Variants in DNAAF11 observed in about 807,000 individuals in gnomAD.
DNAAF11 encodes dynein axonemal assembly factor 11, also known as leucine rich repeat containing 6.
DNAAF11 carries 45 observed loss-of-function variants against 60.8 expected under a neutral mutation model. The ratio of observed to expected loss-of-function variants is 0.74; its 90% CI spans 0.58 to 0.95. The LOEUF (loss-of-function observed/expected upper bound fraction) is 0.95. Ranked by LOEUF, DNAAF11 falls within the 40% of genes least tolerant of loss-of-function variation. The probability of loss-of-function intolerance (pLI) is 0.00; values close to 1 mark genes in which losing one functional copy is unlikely to be tolerated. For missense variants in DNAAF11, 546 were observed against 546.2 expected (o/e 1.00, Z 0.00); for synonymous variants, 191 against 183.5 (o/e 1.04, Z -0.33).
chr8:132,625,531 C>A, intron 5 of DNAAF11, 77 bp from the exon 6 acceptor site: 1 of 1,071,106 alleles, frequency 9.3e-7, no homozygotes. Context: ...CCTTTAATAT[C>A]TATACACTTT....
chr8:132,647,937 G>A (rs550553859), intron 3 of DNAAF11, among the ~76,000 whole-genome samples: 2 of 152,280 alleles, frequency 1.3e-5, no homozygotes, highest in South Asian at 2.1e-4. Context: ...GGTACAAAGA[G>A]GAGCTGGTAC....
chr8:132,642,366 G>T (rs1054817514), intron 3 of DNAAF11, among the ~76,000 whole-genome samples: 1 of 152,220 alleles, frequency 6.6e-6, no homozygotes, highest in Non-Finnish European at 1.5e-5. Context: ...TGCCCATCAT[G>T]TGCACTCATG....
intron 2 of DNAAF11, among the ~76,000 whole-genome samples, chr8:132,659,917 C>T (rs1372339147): frequency 2.0e-5 from 3 of 152,158 alleles, no homozygotes; most frequent in Admixed American, 2.0e-4. Flanking sequence ...CTCTCCCCAT[C>T]CTCCCATACA....
intron 3 of DNAAF11, among the ~76,000 whole-genome samples, chr8:132,655,160 TGAA>T (rs1420618959): frequency 3.3e-5 from 5 of 151,260 alleles, no homozygotes; most frequent in Non-Finnish European, 7.4e-5. Context: ...ATAACCTAAG[TGAA>T]ATAGATAAAT....
intron 10 of DNAAF11, among the ~76,000 whole-genome samples, chr8:132,584,313 T>A (rs947652828): frequency 1.3e-5 from 2 of 152,218 alleles, no homozygotes; most frequent in South Asian, 2.1e-4. Context: ...AGCTCAGTGC[T>A]AAGCATGTTG....
intron 10 of DNAAF11, among the ~76,000 whole-genome samples, chr8:132,588,586 A>G (rs1158284447): frequency 6.6e-6 from 1 of 152,196 alleles, no homozygotes; most frequent in Non-Finnish European, 1.5e-5. Context: ...ATTGAAAAAA[A>G]GTAGAATTGC....
chr8:132,578,192 G>A (rs986130845), intron 11 of DNAAF11, among the ~76,000 whole-genome samples: 34 of 151,948 alleles, frequency 2.2e-4, no homozygotes, highest in Admixed American at 8.5e-4. Flanking sequence ...TATATCCTGG[G>A]CCATAATTTC....
At chr8:132,613,356 G>T (rs1818846620) in intron 8 of DNAAF11, among the ~76,000 whole-genome samples, 1 of 152,192 alleles carries the variant, frequency 6.6e-6, no homozygotes, top group Admixed American at 6.5e-5. Flanking sequence ...CCATAAAAAG[G>T]AAGGAAATTC....
At chr8:132,653,116 C>T (rs376952789) in intron 3 of DNAAF11, among the ~76,000 whole-genome samples, 1 of 151,778 alleles carries the variant, frequency 6.6e-6, no homozygotes, top group East Asian at 1.9e-4. Context: ...CACAAAAGAT[C>T]AGTATAATAC....
chr8:132,685,820 A>T, the DNAAF11 span, among the ~76,000 whole-genome samples: 1 of 152,298 alleles, frequency 6.6e-6, no homozygotes, highest in Admixed American at 6.5e-5. Flanking sequence ...TGTGTGTCCA[A>T]ATAATTGTGT....
At position 132,605,638 on chromosome 8, in the gene DNAAF11, T is replaced by C. The variant is rs527785402; in HGVS notation, c.1140+4528A>G. Among the ~76,000 whole-genome samples, 15 of 152,172 alleles carry C rather than the reference T, an allele frequency of 9.9e-5. No homozygotes were observed. The South Asian group carries it at 3.1e-3, about 32-fold the overall frequency. ...ATAGAAAAAGAAATAAACAATTAAA[T>C]ATTTAGACTGTACAGCAGGAACAGG... On this transcript the variant is annotated intron_variant, in intron 10 of 11. Transcript: ENST00000620350.
At chr8:132,602,658 C>T (rs958565343) in intron 10 of DNAAF11, among the ~76,000 whole-genome samples, 4 of 151,672 alleles carry the variant, frequency 2.6e-5, no homozygotes, top group Non-Finnish European at 5.9e-5. Flanking sequence ...TAATCAAATT[C>T]CAAAACTGGA....
the DNAAF11 span, among the ~76,000 whole-genome samples, chr8:132,690,726 C>G: frequency 2.0e-5 from 3 of 152,182 alleles, no homozygotes; most frequent in African/African-American, 7.2e-5. Flanking sequence ...GACAGTTTCT[C>G]AGGCTCCTCT....
At chr8:132,647,047 C>G (rs575102775) in intron 3 of DNAAF11, among the ~76,000 whole-genome samples, 314 of 152,318 alleles carry the variant, frequency 2.1e-3, no homozygotes, top group African/African-American at 7.1e-3. Flanking sequence ...ATACATTCTT[C>G]TCAGCACCAC....
chr8:132,691,539 T>C, the DNAAF11 span, among the ~76,000 whole-genome samples: 1 of 152,140 alleles, frequency 6.6e-6, no homozygotes, highest in Non-Finnish European at 1.5e-5. Context: ...CTCGGCAATT[T>C]ATACAGAAAA....
At chr8:132,583,857 T>A in intron 10 of DNAAF11, 78 bp from the exon 11 acceptor site, 1 of 923,080 alleles carries the variant, frequency 1.1e-6, no homozygotes, top group Non-Finnish European at 1.7e-6. Flanking sequence ...ATATGTATTT[T>A]AAAAGATACT....
intron 11 of DNAAF11, among the ~76,000 whole-genome samples, chr8:132,580,037 G>GA (rs573266391): frequency 4.0e-4 from 52 of 131,002 alleles, no homozygotes; most frequent in Middle Eastern, 4.1e-3. Flanking sequence ...ACTACTCAAG[G>GA]AAAAAAAAAA....
rs71306394 is a variant in DNAAF11, at chr8:132,595,348, G to GAAAAAAAAAAAAAAAAAA, written c.1141-11587_1141-11570dup. 1.7e-4 allele frequency among the ~76,000 whole-genome samples: 10 copies of GAAAAAAAAAAAAAAAAAA among 57,448 alleles called. 1 individual carries two copies. The highest frequency in any genetic ancestry group is 1.0e-3 in the African/African-American group (9 of 8,960). 37.7% of individuals were successfully genotyped at this position (57,448 alleles called of 152,430 possible). A position where few individuals can be genotyped will look rare whatever the true frequency, so the allele number is the denominator to read the frequency against. ...TCCCGAAAGAGAGAGAGACAGAGGG[G>GAAAAAAAAAAAAAAAAAA]AAAAAAAAAAAAAAAAAAAAAAAAA... On this transcript the variant is annotated intron_variant, in intron 10 of 11. Transcript: ENST00000620350.
At chr8:132,581,757 G>A (rs77004524) in intron 11 of DNAAF11, among the ~76,000 whole-genome samples, 2 of 151,750 alleles carry the variant, frequency 1.3e-5, no homozygotes, top group Non-Finnish European at 2.9e-5. Flanking sequence ...GACATCTTGG[G>A]AAATGCCATC....
Sources: allele counts gnomAD v4.1 joint callset (sites outside exome capture counted in the v4.1 genomes callset), GRCh38; gene constraint gnomAD v4.1.1; transcripts MANE v1.5; gene names NCBI Gene and HGNC (gene_info 2026-07-23, HGNC 2026-07-21).